The following ASB15 variants were observed in gnomAD, a reference collection of about 807,000 sequenced individuals.
ASB15 encodes the protein ankyrin repeat and SOCS box containing 15.
In ASB15, 54 loss-of-function variants were observed where a neutral mutation model predicts 58.0. The ratio of observed to expected loss-of-function variants is 0.93; its 90% CI spans 0.75 to 1.17. ASB15 has a LOEUF of 1.17. Ranked by LOEUF, ASB15 falls within the 50% of genes most tolerant of loss-of-function variation. The pLI is 0.00. For synonymous variants in ASB15, 249 were observed against 262.4 expected (o/e 0.95, Z 0.50); for missense variants, 680 against 707.4 (o/e 0.96, Z 0.44).
intron 1 of ASB15, among the ~76,000 whole-genome samples, chr7:123,584,086 T>C (rs376686842): frequency 6.6e-6 from 1 of 151,910 alleles, no homozygotes; most frequent in South Asian, 2.1e-4. Context: ...CCACACGGTT[T>C]TAAGTATCAC....
At chr7:123,618,497 C>A (rs979809697) in intron 7 of ASB15, among the ~76,000 whole-genome samples, 9 of 152,106 alleles carry the variant, frequency 5.9e-5, no homozygotes, top group African/African-American at 2.2e-4. Context: ...AAATACAACA[C>A]CTACCATGCA....
chr7:123,597,366 T>C (rs1211740968), upstream of ASB15, among the ~76,000 whole-genome samples: 2 of 152,216 alleles, frequency 1.3e-5, no homozygotes, highest in Non-Finnish European at 2.9e-5. Flanking sequence ...ATATTGATGC[T>C]AGTATGTTGT....
chr7:123,606,812 T>C lies in ASB15; in HGVS notation c.-63-1782T>C, dbSNP rs76852103. On this transcript the variant is annotated intron_variant, in intron 2 of 11. Transcript: ENST00000451215. ...CTTCTTTTTTAAGGTTAATAGTCCA[T>C]TGTAAATACACAGCACATTTTCTTC... Among the ~76,000 whole-genome samples the C allele has an allele frequency of 8.4e-3, 1,276 of 152,316 alleles. 22 individuals carry two copies. Among genetic ancestry groups the C allele is most frequent in the African/African-American group, 0.03 (1,227 of 41,566 alleles).
Position 123,629,382 on chromosome 7 carries a change from T to C in ASB15, c.1388T>C (p.Ile463Thr), listed in dbSNP as rs376348325. ...IFGNSFVWSEIQEEVLPGWTS... is the reference protein window; with the variant it reads ...IFGNSFVWSETQEEVLPGWTS... ...GGAAATTCATTTGTGTGGTCAGAGATACAGGAAGAGGTGCTGCCAGGATGG... is the reference window on the plus strand; with the variant it reads ...GGAAATTCATTTGTGTGGTCAGAGACACAGGAAGAGGTGCTGCCAGGATGG... Residue 463 changes from isoleucine (I) to threonine (T), a missense_variant, in exon 10 of 12, where the codon ATA becomes ACA. Transcript: ENST00000451215. The C allele has an allele frequency of 6.5e-5, 105 of 1,613,636 alleles. No homozygotes were observed. The highest frequency in any genetic ancestry group is 8.5e-5 in the Non-Finnish European group (100 of 1,179,984).
At chr7:123,574,161 C>CT (rs1448611815) in intron 1 of ASB15, among the ~76,000 whole-genome samples, 1 of 151,000 alleles carries the variant, frequency 6.6e-6, no homozygotes, top group South Asian at 2.1e-4. Flanking sequence ...GACATCTCTT[C>CT]TTTTTTTATA....
At chr7:123,628,736 G>A in intron 9 of ASB15, 128 bp from the exon 10 acceptor site, 1 of 601,314 alleles carries the variant, frequency 1.7e-6, no homozygotes, top group Non-Finnish European at 2.7e-6. Context: ...AAATGTTTCA[G>A]TATAAAGTTA....
intron 1 of ASB15, among the ~76,000 whole-genome samples, chr7:123,589,473 C>T (rs1799470993): frequency 1.3e-5 from 1 of 75,840 alleles, no homozygotes; most frequent in African/African-American, 4.8e-5. Context: ...CTCCTCCAGC[C>T]CCCCACCTCT....
chr7:123,611,595 C>A (rs1264052385), intron 3 of ASB15, among the ~76,000 whole-genome samples: 1 of 152,198 alleles, frequency 6.6e-6, no homozygotes, highest in Non-Finnish European at 1.5e-5. Flanking sequence ...GGTGCCCGGC[C>A]AGTTACTCTT....
At chr7:123,613,047 G>A (rs953413732) in intron 3 of ASB15, among the ~76,000 whole-genome samples, 1 of 151,930 alleles carries the variant, frequency 6.6e-6, no homozygotes, top group Non-Finnish European at 1.5e-5. Flanking sequence ...TGACTATCTC[G>A]TGTGTGGTCT....
intron 7 of ASB15, chr7:123,622,732 T>C (rs1801414556): frequency 6.6e-6 from 1 of 152,198 alleles, no homozygotes; most frequent in South Asian, 2.1e-4. Flanking sequence ...TCTTAGTTTG[T>C]TTAGCTTACT....
chr7:123,625,436 C>A (rs1466095226), intron 8 of ASB15, among the ~76,000 whole-genome samples: 1 of 152,172 alleles, frequency 6.6e-6, no homozygotes, highest in Non-Finnish European at 1.5e-5. Context: ...AAAAAACAAT[C>A]CCTATTGCAT....
At chr7:123,618,589 T>C (rs1800980425) in intron 7 of ASB15, among the ~76,000 whole-genome samples, 1 of 151,958 alleles carries the variant, frequency 6.6e-6, no homozygotes, top group Non-Finnish European at 1.5e-5. Context: ...CATTATGAAG[T>C]TGTCTGTGTG....
At chr7:123,571,690 A>G (rs1267531490) in intron 1 of ASB15, among the ~76,000 whole-genome samples, 1 of 152,240 alleles carries the variant, frequency 6.6e-6, no homozygotes, top group Admixed American at 6.5e-5. Context: ...AATGTAAAAG[A>G]GATGTTGTTT....
intron 1 of ASB15, among the ~76,000 whole-genome samples, chr7:123,602,399 A>C (rs934453318): frequency 6.6e-6 from 1 of 152,136 alleles, no homozygotes; most frequent in East Asian, 1.9e-4. Context: ...ACCGAATAGA[A>C]TTGGAAATTT....
At chr7:123,616,295 AGTG>A (rs752825121) in intron 5 of ASB15, 22 bp downstream of exon 5, 1 of 1,609,242 alleles carries the variant, frequency 6.2e-7, no homozygotes, top group East Asian at 2.2e-5. Context: ...TACTATCTAC[AGTG>A]GGATGGACTG....
At chr7:123,634,347 C>T (rs946503576) in intron 11 of ASB15, among the ~76,000 whole-genome samples, 14 of 152,160 alleles carry the variant, frequency 9.2e-5, no homozygotes, top group Non-Finnish European at 1.6e-4. Context: ...TAATGGTTTC[C>T]AAATCCATCC....
At chr7:123,572,151 TTTTTTTTTG>T (rs1798926430) in intron 1 of ASB15, among the ~76,000 whole-genome samples, 1 of 132,648 alleles carries the variant, frequency 7.5e-6, no homozygotes, top group Non-Finnish European at 1.6e-5. Context: ...TTTTTTTTTT[TTTTTTTTTG>T]GAGACAGAGT....
intron 11 of ASB15, among the ~76,000 whole-genome samples, chr7:123,633,382 T>TGC (rs1222412700): frequency 6.6e-6 from 1 of 152,078 alleles, no homozygotes; most frequent in Admixed American, 6.5e-5. Flanking sequence ...AATATTGTTA[T>TGC]GCTGAGGATG....
intron 1 of ASB15, among the ~76,000 whole-genome samples, chr7:123,579,305 A>T (rs986963440): frequency 5.9e-5 from 9 of 152,042 alleles, no homozygotes; most frequent in Non-Finnish European, 1.0e-4. Context: ...AATTGGGAAA[A>T]TTTTAGATAA....
Sources: gnomAD v4.1 joint callset for allele counts (sites outside exome capture counted in the v4.1 genomes callset) on GRCh38, gnomAD v4.1.1 for gene constraint, MANE v1.5 for transcripts, NCBI Gene and HGNC (gene_info 2026-07-23, HGNC 2026-07-21) for gene names.